RANGAP1: variants seen among roughly 807,000 people sequenced by gnomAD.
RANGAP1 encodes the protein ran GTPase-activating protein 1.
A neutral mutation model predicts 63.5 loss-of-function variants in RANGAP1; 38 were observed. The observed-to-expected ratio is 0.60, with a 90% confidence interval of 0.46 to 0.78. RANGAP1 has a LOEUF of 0.78. RANGAP1 is among the 30% of genes least tolerant of loss of function. The probability of loss-of-function intolerance (pLI) is 0.00; values close to 1 mark genes in which losing one functional copy is unlikely to be tolerated. For missense variants in RANGAP1, 630 were observed against 740.3 expected, an observed-to-expected ratio of 0.85 and a Z score of 1.73; for synonymous variants, 329 against 310.5, an observed-to-expected ratio of 1.06 and a Z score of -0.63.
At chr22:41,276,301 G>A (rs1214174878) in intron 2 of RANGAP1, among the ~76,000 whole-genome samples, 1 of 152,124 alleles carries the variant, frequency 6.6e-6, no homozygotes, top group East Asian at 1.9e-4. Flanking sequence ...AATATATCAG[G>A]TTATATAGCA....
intron 6 of RANGAP1, among the ~76,000 whole-genome samples, 179 bp downstream of exon 6, chr22:41,261,267 G>C (rs1387469106): frequency 6.6e-6 from 1 of 152,216 alleles, no homozygotes; most frequent in Admixed American, 6.5e-5. Context: ...CACCTTTCCA[G>C]AAATGCACGA....
In RANGAP1 at chr22:41,264,847, G is replaced by C; in HGVS notation, c.301-4C>G. On this transcript the variant is annotated splice_polypyrimidine_tract_variant and splice_region_variant and intron_variant, in intron 4 of 15. Transcript: ENST00000356244. The stretch of plus-strand genomic sequence containing the variant: ...TGAGTCCTTCCCCTAGTGAGATCTG[G>C]GCACAGAGGAAGCTCGTGTCAGTTT... 1.3e-6 allele frequency: 2 copies of C among 1,593,722 alleles called. No individual in the cohort carries two copies.
At chr22:41,284,203 C>T (rs987422990) in intron 1 of RANGAP1, among the ~76,000 whole-genome samples, 1 of 151,128 alleles carries the variant, frequency 6.6e-6, no homozygotes, top group Non-Finnish European at 1.5e-5. Context: ...GCTGAGATTG[C>T]GCCACTGCAC....
At chr22:41,293,807 T>A in the RANGAP1 span, among the ~76,000 whole-genome samples, 2 of 151,574 alleles carry the variant, frequency 1.3e-5, no homozygotes, top group Non-Finnish European at 2.9e-5. Flanking sequence ...TTAAAATACT[T>A]GGTTTTTTAA....
chr22:41,294,939 G>GC, the RANGAP1 span, among the ~76,000 whole-genome samples: 5 of 111,720 alleles, frequency 4.5e-5, no homozygotes, highest in African/African-American at 1.8e-4. Context: ...TGGGGGATCA[G>GC]CCCCCCGCCC....
At chr22:41,283,101 T>C (rs1405536554) in intron 1 of RANGAP1, among the ~76,000 whole-genome samples, 1 of 151,938 alleles carries the variant, frequency 6.6e-6, no homozygotes. Context: ...TGATTACTAC[T>C]GTGTGCTGGA....
chr22:41,252,896 C>G lies in RANGAP1; in HGVS notation c.1356G>C (p.Lys452Asn). ...CCTGCTGGGCTATCAGCACGGAGCTCTTGGGCCCTAGGCGCAGCAGCTTCT... is the reference window on the plus strand; with the variant it reads ...CCTGCTGGGCTATCAGCACGGAGCTGTTGGGCCCTAGGCGCAGCAGCTTCT... ...SPEKLLRLGP[K>N]SSVLIAQQTD... Residue 452 changes from lysine (K) to asparagine (N), a missense_variant, in exon 12 of 16, where the codon AAG becomes AAC. Physicochemically the swap from Lys to Asn is moderately conservative, Grantham distance 94 (BLOSUM62 0). Around this residue, in one of 3 missense-constraint regions of RANGAP1, gnomAD observed 428 missense variants for 465.5 expected, o/e 0.92. Transcript: ENST00000356244. The G allele has an allele frequency of 6.4e-7, 1 of 1,574,624 alleles. No homozygotes were observed. The highest frequency in any genetic ancestry group is 8.6e-7 in the Non-Finnish European group (1 of 1,162,054).
chr22:41,258,103 T>G lies in RANGAP1; in HGVS notation c.619A>C (p.Ile207Leu). 1 of 1,605,522 alleles carries G rather than the reference T, an allele frequency of 6.2e-7. No individual in the cohort carries two copies. The highest frequency in any genetic ancestry group is 8.5e-7 in the Non-Finnish European group (1 of 1,174,706). The change falls in exon 7 of 16, where the codon ATC (isoleucine) becomes CTC (leucine). Residue 207 changes from isoleucine (I) to leucine (L), a missense_variant. Physicochemically the swap from Ile to Leu is conservative, Grantham distance 5. This residue lies in a region of RANGAP1 where 137 missense variants were observed against 214.3 expected (regional missense o/e 0.64). Transcript: ENST00000356244. Reference sequence around the variant, plus strand: ...ATGTGGACCTCCTCCAGGGTCCCGATGACCTGTGAAGAGGAGGCAGAGAGT... The same window carrying G: ...ATGTGGACCTCCTCCAGGGTCCCGAGGACCTGTGAAGAGGAGGCAGAGAGT... ...ATALAEAFRV[I>L]GTLEEVHMPQ...
At chr22:41,263,096 G>A (rs1238066506) in intron 5 of RANGAP1, among the ~76,000 whole-genome samples, 2 of 152,132 alleles carry the variant, frequency 1.3e-5, no homozygotes, top group African/African-American at 4.8e-5. Flanking sequence ...CTCCAGGGTA[G>A]GCCTGTCTGC....
chr22:41,274,857 C>T, intron 2 of RANGAP1, 130 bp from the exon 3 acceptor site: 1 of 1,169,512 alleles, frequency 8.6e-7, no homozygotes, highest in Non-Finnish European at 1.2e-6. Flanking sequence ...CCTTGGCTTA[C>T]AGAGAATCAG....
At chr22:41,258,545 G>A in intron 6 of RANGAP1, among the ~76,000 whole-genome samples, 1 of 152,228 alleles carries the variant, frequency 6.6e-6, no homozygotes, top group East Asian at 1.9e-4. Context: ...CCTTCGACAT[G>A]GCGTCCTTCT....
At chr22:41,264,334 G>A (rs1002851312) in intron 5 of RANGAP1, among the ~76,000 whole-genome samples, 4 of 152,196 alleles carry the variant, frequency 2.6e-5, no homozygotes, top group Non-Finnish European at 4.4e-5. Flanking sequence ...CTCTGCCTAT[G>A]TGCCAGGCTC....
the RANGAP1 span, among the ~76,000 whole-genome samples, chr22:41,291,707 G>C: frequency 6.6e-6 from 1 of 151,410 alleles, no homozygotes; most frequent in Non-Finnish European, 1.5e-5. Flanking sequence ...GACCATCCTG[G>C]CTAACACGGT....
chr22:41,250,597 T>C (rs1337219888), intron 13 of RANGAP1, among the ~76,000 whole-genome samples: 1 of 152,066 alleles, frequency 6.6e-6, no homozygotes, highest in Admixed American at 6.5e-5. Context: ...CATAATGTTA[T>C]GGGGAAAGGT....
chr22:41,296,772 A>G, the RANGAP1 span, among the ~76,000 whole-genome samples: 1 of 152,182 alleles, frequency 6.6e-6, no homozygotes, highest in African/African-American at 2.4e-5. Context: ...TGTACGTATG[A>G]GAGAGAGACA....
At chr22:41,265,887 C>A (rs114454828) in intron 4 of RANGAP1, among the ~76,000 whole-genome samples, 1 of 152,174 alleles carries the variant, frequency 6.6e-6, no homozygotes, top group African/African-American at 2.4e-5. Flanking sequence ...TGTGTCCTCT[C>A]GTTGCCCTAC....
At chr22:41,250,346 AG>A (rs1263052749) in intron 13 of RANGAP1, among the ~76,000 whole-genome samples, 1 of 152,196 alleles carries the variant, frequency 6.6e-6, no homozygotes, top group African/African-American at 2.4e-5. Flanking sequence ...CGCCGGGAAG[AG>A]GCACCACATG....
the RANGAP1 span, among the ~76,000 whole-genome samples, chr22:41,302,156 T>C: frequency 1.3e-5 from 2 of 151,988 alleles, no homozygotes; most frequent in Non-Finnish European, 2.9e-5. The surrounding 1 kb of genome is among the most constrained non-coding windows in gnomAD (Gnocchi z 5.7). Context: ...GTCCAGATGC[T>C]TTGCCGACCC....
chr22:41,248,429 G>A (rs1023293654), intron 15 of RANGAP1, among the ~76,000 whole-genome samples: 1 of 152,234 alleles, frequency 6.6e-6, no homozygotes, highest in South Asian at 2.1e-4. Context: ...GCTGGGTGCT[G>A]GAGGCCAGCG....
Sources: allele counts gnomAD v4.1 joint callset (sites outside exome capture counted in the v4.1 genomes callset), GRCh38; gene constraint gnomAD v4.1.1; regional missense constraint gnomAD v4.1.1; non-coding constraint Gnocchi (gnomAD v3.1); transcripts MANE v1.5; gene names NCBI Gene and HGNC (gene_info 2026-07-23, HGNC 2026-07-21).